Variants in TMPO observed in about 807,000 individuals in gnomAD.
The protein encoded by TMPO is thymopoietin, also known as LEM domain containing 4.
In TMPO, 22 loss-of-function variants were observed where a neutral mutation model predicts 45.4. That is an observed-to-expected ratio of 0.48 (90% CI 0.35 to 0.69). TMPO has a LOEUF of 0.69. Ranked by LOEUF, TMPO falls within the 30% of genes least tolerant of loss-of-function variation. The probability of loss-of-function intolerance (pLI) is 0.01; values close to 1 mark genes in which losing one functional copy is unlikely to be tolerated. For missense variants in TMPO, 512 were observed against 548.8 expected, an observed-to-expected ratio of 0.93 and a Z score of 0.67; for synonymous variants, 241 against 204.1, an observed-to-expected ratio of 1.18 and a Z score of -1.54.
At position 98,549,127 on chromosome 12, in the gene TMPO, AT is replaced by A. The variant is rs1878388604; in HGVS notation, c.*1270del. On this transcript the variant is annotated 3_prime_UTR_variant, in exon 9 of 9. Transcript: ENST00000556029. The stretch of plus-strand genomic sequence containing the variant: ...AGAGCAAGACTCCATCTCAAAAAAA[AT>A]AAAAAAGTACAAAAAGTACTTGCTT... 1.3e-5 allele frequency: 2 copies of A among 152,242 alleles called. No homozygotes were observed. The highest frequency in any genetic ancestry group is 4.1e-4 in the South Asian group (2 of 4,834). 9.4% of individuals were successfully genotyped at this position (152,242 alleles called of 1,614,324 possible).
In TMPO at chr12:98,528,248, G is replaced by A. The variant is rs1417502463; in HGVS notation, c.406+236G>A. On this transcript the variant is annotated intron_variant, in intron 2 of 8. Transcript: ENST00000556029. The stretch of plus-strand genomic sequence containing the variant: ...GATTGTTTTATATGGTGCTTATATC[G>A]TACTTTTTTTTTTTTTTTTTGGTTT... Among the ~76,000 whole-genome samples, 8 of 132,150 alleles carry A rather than the reference G, an allele frequency of 6.1e-5. No homozygotes were observed. In the East Asian group the frequency reaches 1.2e-3, roughly 20 times the overall value. The allele number at this position is 132,150 out of a possible 152,430, so 86.7% of individuals were successfully genotyped here.
rs7966614 is a variant in TMPO at position 98,547,963 on chromosome 12, C to T, written c.*105C>T. ...CCAAGAACTAAAAATAATGTGATTT[C>T]GCCTCAATAAATGTAGTATTTCATT... On this transcript the variant is annotated 3_prime_UTR_variant, in exon 9 of 9. Transcript: ENST00000556029. 3,020 of 1,301,240 alleles carry T rather than the reference C, an allele frequency of 2.3e-3. 40 individuals carry two copies. In the African/African-American group the frequency reaches 0.034, roughly 14 times the overall value. 80.6% of individuals were successfully genotyped at this position (1,301,240 alleles called of 1,614,324 possible).
chr12:98,527,611 C>T, intron 1 of TMPO: 1 of 272,692 alleles, frequency 3.7e-6, no homozygotes, highest in Non-Finnish European at 6.9e-6. Flanking sequence ...TTTTTGATGC[C>T]ATTACTATCT....
At position 98,533,649 on chromosome 12, in the gene TMPO, TGTC is replaced by T. The variant is rs777157930; in HGVS notation, c.565+1812_565+1814del. 13 of 1,614,068 alleles carry T rather than the reference TGTC, an allele frequency of 8.1e-6. No homozygotes were observed. Among genetic ancestry groups the T allele is most frequent in the Non-Finnish European group, 1.1e-5 (13 of 1,180,032 alleles). The stretch of plus-strand genomic sequence containing the variant: ...TGATGTCTTCTTTTGCCAAAACTGT[TGTC>T]TCTCATTCACTCACTACCTTAGGTC... On this transcript the variant is annotated intron_variant, in intron 3 of 8. Transcript: ENST00000556029.
At position 98,544,474 on chromosome 12, in the gene TMPO, T is replaced by C; in HGVS notation, c.816T>C (p.Gly272=). ...VETSEHFRID[G]PVISESTPIA... ...CTTCAGAACATTTTCGTATAGATGG[T>C]CCAGTAATTTCAGAGAGTACTCCCA... The change falls in exon 6 of 9, where the codon GGT becomes GGC. Residue 272 remains glycine, a synonymous_variant. Transcript: ENST00000556029. 2.5e-6 allele frequency: 4 copies of C among 1,613,966 alleles called. No homozygotes were observed. The highest frequency in any genetic ancestry group is 3.4e-6 in the Non-Finnish European group (4 of 1,179,924).
chr12:98,527,969 G>A lies in TMPO; in HGVS notation c.363G>A (p.Leu121=). 1 of 1,613,860 alleles carries A rather than the reference G, an allele frequency of 6.2e-7. No individual in the cohort carries two copies. Among genetic ancestry groups the A allele is most frequent in the Non-Finnish European group, 8.5e-7 (1 of 1,179,862 alleles). Residue 121 remains leucine (L), a synonymous_variant, in exon 2 of 9, where the codon TTG becomes TTA. Transcript: ENST00000556029. The stretch of plus-strand genomic sequence containing the variant: ...CAGAGCTCACTAATGAAGATCTTTT[G>A]GATCAGCTTGTGAAATACGGAGTGA... ...DVTELTNEDL[L]DQLVKYGVNP... is the part of the protein sequence containing the mutation.
rs774074641 is a variant in TMPO, at chr12:98,532,916, A to G, written c.565+1078A>G. 8.1e-6 allele frequency: 13 copies of G among 1,613,978 alleles called. No individual in the cohort carries two copies. The highest frequency in any genetic ancestry group is 1.1e-5 in the South Asian group (1 of 91,080). On this transcript the variant is annotated intron_variant, in intron 3 of 8. Coordinates refer to ENST00000556029, the MANE Select transcript of TMPO (RefSeq NM_001032283.3). ...ACTCCCTCTGGTGGTGGATTTTTTC[A>G]GGGTATTTCTTTTCCTGAAATCTCC...
intron 1 of TMPO, among the ~76,000 whole-genome samples, chr12:98,520,329 G>A (rs780687672): frequency 1.7e-5 from 2 of 119,526 alleles, no homozygotes; most frequent in East Asian, 4.0e-4. Context: ...GAGAGATGGA[G>A]TCTCACTCTG....
At position 98,531,856 on chromosome 12, in the gene TMPO, G is replaced by A. The variant is rs1368329125; in HGVS notation, c.565+18G>A. On this transcript the variant is annotated intron_variant, in intron 3 of 8. Transcript: ENST00000556029. ...TGAAGAAGGTAAAATTTTAAATGATGTTAATCAAATGTATGGAATTTTTTC... is the reference window on the plus strand; with the variant it reads ...TGAAGAAGGTAAAATTTTAAATGATATTAATCAAATGTATGGAATTTTTTC... 17 of 1,604,866 alleles carry A rather than the reference G, an allele frequency of 1.1e-5. No individual in the cohort carries two copies. The highest frequency in any genetic ancestry group is 1.4e-5 in the Non-Finnish European group (17 of 1,174,506).
intron 1 of TMPO, among the ~76,000 whole-genome samples, chr12:98,520,958 A>G (rs950450627): frequency 2.0e-5 from 3 of 152,156 alleles, no homozygotes; most frequent in Admixed American, 1.3e-4. Context: ...TTTATATTAT[A>G]GGAGAAAGCC....
intron 3 of TMPO, chr12:98,535,001 A>C (rs1294367146): frequency 1.2e-6 from 1 of 809,828 alleles, no homozygotes; most frequent in East Asian, 1.2e-4. Flanking sequence ...TTTTTAGCAA[A>C]ATTTTATTAA....
chr12:98,529,555 A>G (rs868098716), intron 2 of TMPO, among the ~76,000 whole-genome samples: 3 of 152,062 alleles, frequency 2.0e-5, no homozygotes, highest in Non-Finnish European at 2.9e-5. Flanking sequence ...AAGATGAGAA[A>G]ATTCCATTTT....
At chr12:98,546,210 C>G (rs931680984) in intron 7 of TMPO, 149 bp from the exon 8 acceptor site, 18 of 663,884 alleles carry the variant, frequency 2.7e-5, no homozygotes, top group Admixed American at 2.5e-4. Flanking sequence ...CATGTGGATA[C>G]CTAAATAATA....
chr12:98,522,565 A>G (rs1876454452), intron 1 of TMPO, among the ~76,000 whole-genome samples: 1 of 152,224 alleles, frequency 6.6e-6, no homozygotes, highest in Non-Finnish European at 1.5e-5. Context: ...CCTAATAGCT[A>G]CTTAATCAGA....
At chr12:98,531,258 T>A (rs1016630054) in intron 2 of TMPO, among the ~76,000 whole-genome samples, 4 of 146,206 alleles carry the variant, frequency 2.7e-5, no homozygotes, top group Middle Eastern at 3.5e-3. Flanking sequence ...TTTTTTTTTT[T>A]AAGACAGCAT....
rs1460262714 is a variant in TMPO at position 98,515,960 on chromosome 12, G to A, written c.93G>A (p.Glu31=). ...ACAATGTGACGCTGCCGGCCGGGGAGCAGCGCAAAGACGTGTACGTCCAGC... is the reference window on the plus strand; with the variant it reads ...ACAATGTGACGCTGCCGGCCGGGGAACAGCGCAAAGACGTGTACGTCCAGC... ...VANNVTLPAG[E]QRKDVYVQLY... The change falls in exon 1 of 9, where the codon GAG becomes GAA. Residue 31 remains glutamate (E), a synonymous_variant. Coordinates refer to ENST00000556029, the MANE Select transcript of TMPO (RefSeq NM_001032283.3). 1 of 1,613,162 alleles carries A rather than the reference G, an allele frequency of 6.2e-7. No homozygotes were observed. Among genetic ancestry groups the A allele is most frequent in the African/African-American group, 1.3e-5 (1 of 74,942 alleles).
chr12:98,516,546 T>A, intron 1 of TMPO: 3 of 1,022,024 alleles, frequency 2.9e-6, no homozygotes, highest in Non-Finnish European at 3.5e-6. Context: ...CCCGCTTTAT[T>A]AACTGAAATG....
chr12:98,531,796 A>G lies in TMPO; in HGVS notation c.523A>G (p.Asn175Asp). 1 of 1,613,896 alleles carries G rather than the reference A, an allele frequency of 6.2e-7. No homozygotes were observed. Among genetic ancestry groups the G allele is most frequent in the Non-Finnish European group, 8.5e-7 (1 of 1,179,908 alleles). Reference sequence around the variant, plus strand: ...TTCTTCAGCAGAAAATACAAGGCAGAATGGAAGTAATGATTCTGACAGATA... The same window carrying G: ...TTCTTCAGCAGAAAATACAAGGCAGGATGGAAGTAATGATTCTGACAGATA... The part of the protein sequence containing the change: ...ISSSAENTRQ[N>D]GSNDSDRYSD... The change falls in exon 3 of 9, where the codon AAT (asparagine) becomes GAT (aspartate). Residue 175 changes from asparagine (N) to aspartate (D), a missense_variant. Around this residue, in one of 3 missense-constraint regions of TMPO, gnomAD observed 299 missense variants for 296.7 expected, o/e 1.01. Transcript: ENST00000556029.
chr12:98,518,470 CTTT>C (rs11437786), intron 1 of TMPO, among the ~76,000 whole-genome samples: 36 of 83,518 alleles, frequency 4.3e-4, no homozygotes, highest in African/African-American at 1.2e-3. Flanking sequence ...ATTTTCTAAT[CTTT>C]TTTTTTTTTT....
Sources: allele counts gnomAD v4.1 joint callset (sites outside exome capture counted in the v4.1 genomes callset), GRCh38; gene constraint gnomAD v4.1.1; regional missense constraint gnomAD v4.1.1; transcripts MANE v1.5; gene names NCBI Gene and HGNC (gene_info 2026-07-23, HGNC 2026-07-21).